Variants in GNAZ observed in about 807,000 individuals in gnomAD.
GNAZ encodes the protein guanine nucleotide-binding protein G(z) subunit alpha.
GNAZ carries 3 observed loss-of-function variants against 25.4 expected under a neutral mutation model. The ratio of observed to expected loss-of-function variants is 0.12; its 90% confidence interval spans 0.05 to 0.30. The LOEUF (loss-of-function observed/expected upper bound fraction) is 0.30. GNAZ is among the 10% of genes least tolerant of loss of function. GNAZ has a pLI of 1.00. For synonymous variants in GNAZ, 211 were observed against 205.7 expected (o/e 1.03, Z -0.22); for missense variants, 241 against 501.8 (o/e 0.48, Z 4.97).
chr22:23,072,191 T>C (rs767750114), intron 1 of GNAZ, among the ~76,000 whole-genome samples: 18 of 152,248 alleles, frequency 1.2e-4, no homozygotes, highest in Non-Finnish European at 2.2e-4. Flanking sequence ...CTTGTTAGGA[T>C]TGAGTTGCCT....
At chr22:23,106,255 A>T (rs920623656) in intron 2 of GNAZ, among the ~76,000 whole-genome samples, 1 of 152,172 alleles carries the variant, frequency 6.6e-6, no homozygotes, top group East Asian at 1.9e-4. Flanking sequence ...AGCAAAACAG[A>T]GTGACATGAG....
chr22:23,087,538 T>G (rs897020095), intron 1 of GNAZ, among the ~76,000 whole-genome samples: 13 of 152,174 alleles, frequency 8.5e-5, no homozygotes, highest in African/African-American at 3.1e-4. Flanking sequence ...AGACGAGAAT[T>G]GCAATAGAGA....
At chr22:23,096,590 A>G (rs1432501566) in intron 2 of GNAZ, among the ~76,000 whole-genome samples, 172 bp downstream of exon 2, 1 of 152,188 alleles carries the variant, frequency 6.6e-6, no homozygotes, top group African/African-American at 2.4e-5. Flanking sequence ...CAGAGGGAAC[A>G]GGGTGTGGAG....
intron 2 of GNAZ, among the ~76,000 whole-genome samples, chr22:23,114,253 A>G (rs946078859): frequency 7.2e-5 from 11 of 152,136 alleles, no homozygotes; most frequent in South Asian, 2.1e-4. Context: ...TCGGCGTGAA[A>G]AAGCTGAATT....
intron 2 of GNAZ, among the ~76,000 whole-genome samples, chr22:23,114,936 T>C (rs2069780381): frequency 6.6e-6 from 1 of 152,184 alleles, no homozygotes; most frequent in Non-Finnish European, 1.5e-5. Context: ...GGGACTGCCA[T>C]GAAGGCATCT....
At chr22:23,072,351 A>G (rs2068401229) in intron 1 of GNAZ, among the ~76,000 whole-genome samples, 1 of 152,138 alleles carries the variant, frequency 6.6e-6, no homozygotes, top group African/African-American at 2.4e-5. Context: ...ATGCGCCTTG[A>G]GCAAGCCTCA....
rs569668121 is a variant in GNAZ at position 23,096,376 on chromosome 22, G to A, written c.681G>A (p.Glu227=). 5.6e-6 allele frequency: 9 copies of A among 1,612,536 alleles called. No individual in the cohort carries two copies. The African/African-American group carries it at 1.1e-4, about 19-fold the overall frequency. Residue 227 remains glutamate, a synonymous_variant, in exon 2 of 3, where the codon GAG becomes GAA. Transcript: ENST00000615612. ...TCACAGCCATCATCTTCTGTGTGGA[G>A]CTCAGCGGCTACGACCTGAAACTCT... ...EGVTAIIFCV[E]LSGYDLKLYE...
At chr22:23,110,787 C>G (rs2069622825) in intron 2 of GNAZ, among the ~76,000 whole-genome samples, 1 of 152,168 alleles carries the variant, frequency 6.6e-6, no homozygotes, top group African/African-American at 2.4e-5. Context: ...AAGCAGCTGG[C>G]CTGGGAGGCA....
intron 1 of GNAZ, among the ~76,000 whole-genome samples, chr22:23,081,437 G>A (rs1255329177): frequency 6.6e-6 from 1 of 152,138 alleles, no homozygotes; most frequent in African/African-American, 2.4e-5. Flanking sequence ...TCACTTTTCA[G>A]TAGATCAGCC....
intron 2 of GNAZ, among the ~76,000 whole-genome samples, chr22:23,110,370 C>T (rs1320065693): frequency 6.6e-6 from 1 of 152,214 alleles, no homozygotes; most frequent in South Asian, 2.1e-4. Context: ...GACGAGGCCA[C>T]AGGGTGACAA....
intron 1 of GNAZ, among the ~76,000 whole-genome samples, chr22:23,090,171 C>T (rs1390180573): frequency 6.6e-6 from 1 of 152,118 alleles, no homozygotes; most frequent in African/African-American, 2.4e-5. Context: ...TCCTGTACCA[C>T]AGGGACAGCT....
chr22:23,114,508 C>T (rs1304683770), intron 2 of GNAZ, among the ~76,000 whole-genome samples: 1 of 152,086 alleles, frequency 6.6e-6, no homozygotes, highest in Non-Finnish European at 1.5e-5. Flanking sequence ...ACGTCCTGCT[C>T]TTGTATTACC....
At chr22:23,111,118 A>C (rs1057229305) in intron 2 of GNAZ, among the ~76,000 whole-genome samples, 1 of 152,254 alleles carries the variant, frequency 6.6e-6, no homozygotes, top group Admixed American at 6.5e-5. Flanking sequence ...GGAATGACTC[A>C]TGCCTCCTCC....
chr22:23,078,969 T>C (rs939083463), intron 1 of GNAZ, among the ~76,000 whole-genome samples: 2 of 152,064 alleles, frequency 1.3e-5, no homozygotes, highest in African/African-American at 4.8e-5. Flanking sequence ...CCAGAAGACC[T>C]CCCAGAAGTC....
Position 23,123,696 on chromosome 22 carries a change from T to A in GNAZ, c.*265T>A, listed in dbSNP as rs1452565643. 2.0e-6 allele frequency: 1 copy of A among 493,604 alleles called. No individual in the cohort carries two copies. Among genetic ancestry groups the A allele is most frequent in the African/African-American group, 1.9e-5 (1 of 51,960 alleles). The allele number at this position is 493,604 out of a possible 1,614,324, so 30.6% of individuals were successfully genotyped here. On this transcript the variant is annotated 3_prime_UTR_variant, in exon 3 of 3. Transcript: ENST00000615612. ...TAAAATGTCGAGGTCTCTTGAAGAC[T>A]TGAGAAGCTGTCACAAGGTCACTAC...
At chr22:23,073,376 C>T (rs934885783) in intron 1 of GNAZ, among the ~76,000 whole-genome samples, 9 of 152,246 alleles carry the variant, frequency 5.9e-5, no homozygotes, top group African/African-American at 9.6e-5. Flanking sequence ...GGCTATGCTG[C>T]GGCCTGGGCA....
At chr22:23,102,029 G>T (rs5996466) in intron 2 of GNAZ, among the ~76,000 whole-genome samples, 15,765 of 152,212 alleles carry the variant, frequency 0.1, 2,608 homozygotes, top group African/African-American at 0.35. Flanking sequence ...AAGAGGGCTG[G>T]GCACACACCT....
rs2069421911 is a variant in GNAZ, at chr22:23,105,017, C to A, written c.723+8599C>A. Among the ~76,000 whole-genome samples, 3 of 152,372 alleles carry A rather than the reference C, an allele frequency of 2.0e-5. No homozygotes were observed. In the South Asian group the frequency reaches 6.2e-4, roughly 32 times the overall value. ...GGCCAGCCCAGGAGCCTGGCTGCAG[C>A]TCACCCTAATCCCTGCTTCATCACA... is the stretch of plus-strand genomic sequence containing the variant. On this transcript the variant is annotated intron_variant, in intron 2 of 2. Transcript: ENST00000615612.
chr22:23,086,777 C>A (rs1054454792), intron 1 of GNAZ, among the ~76,000 whole-genome samples: 2 of 152,220 alleles, frequency 1.3e-5, no homozygotes, highest in Admixed American at 6.5e-5. Context: ...TCTGTGGAGC[C>A]CACTTCCCAC....
Sources: gnomAD v4.1 joint callset for allele counts (sites outside exome capture counted in the v4.1 genomes callset) on GRCh38, gnomAD v4.1.1 for gene constraint, MANE v1.5 for transcripts, NCBI Gene and HGNC (gene_info 2026-07-23, HGNC 2026-07-21) for gene names.